Variants in MEI4 observed in about 807,000 individuals in gnomAD.
MEI4 encodes the protein meiosis-specific protein MEI4.
In MEI4, 27 loss-of-function variants were observed where a neutral mutation model predicts 31.4. That is an observed-to-expected ratio of 0.86 (90% CI 0.63 to 1.19). The LOEUF (loss-of-function observed/expected upper bound fraction) is 1.19, where lower values mean the gene tolerates loss of function less well. Ranked by LOEUF, MEI4 falls within the 50% of genes most tolerant of loss-of-function variation. MEI4 has a pLI of 0.00. For synonymous variants in MEI4, 122 were observed against 145.4 expected (o/e 0.84, Z 1.16); for missense variants, 329 against 398.9 (o/e 0.82, Z 1.49).
intron 2 of MEI4, among the ~76,000 whole-genome samples, chr6:77,699,223 T>C (rs1412961434): frequency 7.2e-6 from 1 of 138,962 alleles, no homozygotes; most frequent in East Asian, 2.3e-4. Context: ...GGAGTCTCGC[T>C]CTGTCACCCA....
chr6:77,743,979 CATT>C (rs1043951045), intron 2 of MEI4, among the ~76,000 whole-genome samples: 5 of 152,162 alleles, frequency 3.3e-5, no homozygotes, highest in African/African-American at 1.2e-4. Context: ...ACATCACCAT[CATT>C]AAAGACCAAA....
At chr6:77,913,475 A>G (rs140969155) in intron 4 of MEI4, among the ~76,000 whole-genome samples, 454 of 152,144 alleles carry the variant, frequency 3.0e-3, no homozygotes, top group Non-Finnish European at 5.5e-3. Context: ...CTTGTGATTG[A>G]TCTGTTAAAG....
chr6:77,839,246 A>G (rs1212109444), intron 4 of MEI4, among the ~76,000 whole-genome samples: 1 of 152,160 alleles, frequency 6.6e-6, no homozygotes, highest in Non-Finnish European at 1.5e-5. Context: ...TGGTTATGTA[A>G]CTATGTACAA....
chr6:77,769,611 A>G (rs1039594093), intron 3 of MEI4, among the ~76,000 whole-genome samples: 2 of 152,052 alleles, frequency 1.3e-5, no homozygotes, highest in African/African-American at 2.4e-5. Context: ...CTGCTTGAGG[A>G]AGGTGGAGGG....
At chr6:77,886,309 G>A (rs961266765) in intron 4 of MEI4, among the ~76,000 whole-genome samples, 2 of 152,094 alleles carry the variant, frequency 1.3e-5, no homozygotes, top group Non-Finnish European at 2.9e-5. Context: ...TTTGTTGAGA[G>A]GCTTTCCTGA....
chr6:77,852,538 T>C (rs939865991), intron 4 of MEI4, among the ~76,000 whole-genome samples: 1 of 151,500 alleles, frequency 6.6e-6, no homozygotes, highest in Non-Finnish European at 1.5e-5. Context: ...CCAACTTTTA[T>C]TTTTTTGCTT....
intron 1 of MEI4, among the ~76,000 whole-genome samples, chr6:77,669,767 A>G (rs1768704833): frequency 6.6e-6 from 1 of 152,342 alleles, no homozygotes; most frequent in East Asian, 1.9e-4. Context: ...TATCTCATTT[A>G]ATCCTGACAA....
At chr6:77,729,294 C>T (rs1165638840) in intron 2 of MEI4, among the ~76,000 whole-genome samples, 1 of 152,188 alleles carries the variant, frequency 6.6e-6, no homozygotes, top group East Asian at 1.9e-4. Context: ...TTATATCCTA[C>T]TGCTCAAGGT....
At chr6:77,726,968 C>A (rs1039316875) in intron 2 of MEI4, among the ~76,000 whole-genome samples, 1 of 152,136 alleles carries the variant, frequency 6.6e-6, no homozygotes, top group South Asian at 2.1e-4. Flanking sequence ...TATTTAATTA[C>A]TTTGTTCTTT....
At chr6:77,794,718 A>T (rs576226017) in intron 3 of MEI4, among the ~76,000 whole-genome samples, 55 of 151,458 alleles carry the variant, frequency 3.6e-4, no homozygotes, top group Non-Finnish European at 6.3e-4. Flanking sequence ...GAAAAAAAAA[A>T]TAGGACTTGA....
intron 1 of MEI4, among the ~76,000 whole-genome samples, chr6:77,676,416 A>C (rs1349121971): frequency 6.6e-6 from 1 of 152,082 alleles, no homozygotes; most frequent in Non-Finnish European, 1.5e-5. Flanking sequence ...AGTTCTAGCT[A>C]CTGGGAAGGC....
At chr6:77,715,692 C>T (rs942043511) in intron 2 of MEI4, among the ~76,000 whole-genome samples, 1 of 152,166 alleles carries the variant, frequency 6.6e-6, no homozygotes, top group Non-Finnish European at 1.5e-5. Context: ...ATAGACTATA[C>T]TTAAAAAGAG....
intron 2 of MEI4, among the ~76,000 whole-genome samples, chr6:77,749,476 A>G (rs1227125422): frequency 6.6e-6 from 1 of 152,162 alleles, no homozygotes; most frequent in Non-Finnish European, 1.5e-5. Flanking sequence ...AAGCCTACAC[A>G]AGTATCAATA....
rs1252944233 is a variant in MEI4, at chr6:77,926,490, T to C, written c.*3144T>C. On this transcript the variant is annotated 3_prime_UTR_variant, in exon 5 of 5. Coordinates refer to ENST00000684080, the MANE Select transcript of MEI4 (RefSeq NM_001322247.2). The stretch of plus-strand genomic sequence containing the variant: ...TCTGACTGGTTTGTTCTTGGAAAAA[T>C]ATATACGATTATCTCACAGGCCTTG... The C allele has an allele frequency of 6.6e-6, 1 of 151,802 alleles. No homozygotes were observed. The allele number at this position is 151,802 out of a possible 1,614,324, so 9.4% of individuals were successfully genotyped here.
chr6:77,745,693 A>G (rs986604036), intron 2 of MEI4, among the ~76,000 whole-genome samples: 2 of 152,160 alleles, frequency 1.3e-5, no homozygotes, highest in African/African-American at 2.4e-5. Context: ...CACCACACCT[A>G]TTCCAAAATT....
intron 4 of MEI4, among the ~76,000 whole-genome samples, chr6:77,909,734 A>G (rs997793750): frequency 3.9e-5 from 6 of 152,172 alleles, no homozygotes; most frequent in Non-Finnish European, 8.8e-5. Context: ...CTGATACCAA[A>G]GCCTGGCAGA....
rs1768524976 is a variant in MEI4, at chr6:77,778,832, T to G, written c.768+17167T>G. Among the ~76,000 whole-genome samples the G allele has an allele frequency of 2.0e-5, 3 of 152,198 alleles. No individual in the cohort carries two copies. In the South Asian group the frequency reaches 6.2e-4, roughly 32 times the overall value. ...CAACAGTATTCCTAGTTTCTGATCATTAACAACTGGGTGCATGGAGGTGCT... is the reference window on the plus strand; with the variant it reads ...CAACAGTATTCCTAGTTTCTGATCAGTAACAACTGGGTGCATGGAGGTGCT... On this transcript the variant is annotated intron_variant, in intron 3 of 4. Transcript: ENST00000684080.
At chr6:77,687,707 T>TA (rs890394748) in intron 1 of MEI4, among the ~76,000 whole-genome samples, 1 of 152,016 alleles carries the variant, frequency 6.6e-6, no homozygotes, top group African/African-American at 2.4e-5. Context: ...CAGTTTACTA[T>TA]AAAAAATACA....
At chr6:77,860,831 C>T (rs1304363888) in intron 4 of MEI4, among the ~76,000 whole-genome samples, 4 of 152,110 alleles carry the variant, frequency 2.6e-5, no homozygotes, top group Non-Finnish European at 5.9e-5. Flanking sequence ...AAAATGATCT[C>T]ATATCTCTCT....
Sources: gnomAD v4.1 joint callset for allele counts (sites outside exome capture counted in the v4.1 genomes callset) on GRCh38, gnomAD v4.1.1 for gene constraint, MANE v1.5 for transcripts, NCBI Gene and HGNC (gene_info 2026-07-23, HGNC 2026-07-21) for gene names.